The following HIF1A variants were observed in gnomAD, a reference collection of about 807,000 sequenced individuals.
HIF1A encodes the protein hypoxia inducible factor 1 subunit alpha.
HIF1A carries 24 observed loss-of-function variants against 92.7 expected under a neutral mutation model. The ratio of observed to expected loss-of-function variants is 0.26; its 90% CI spans 0.19 to 0.36. HIF1A has a LOEUF of 0.36. HIF1A is among the 10% of genes least tolerant of loss of function. The pLI is 1.00. For synonymous variants in HIF1A, 319 were observed against 338.7 expected (o/e 0.94, Z 0.64); for missense variants, 799 against 998.5 (o/e 0.80, Z 2.69).
Position 61,748,041 on chromosome 14 carries a change from A to T in HIF1A, c.*956A>T, listed in dbSNP as rs2044815854. 6.6e-6 allele frequency: 1 copy of T among 152,562 alleles called. No homozygotes were observed. The highest frequency in any genetic ancestry group is 2.4e-5 in the African/African-American group (1 of 41,458). The allele number at this position is 152,562 out of a possible 1,614,324, so 9.5% of individuals were successfully genotyped here. A position where few individuals can be genotyped will look rare whatever the true frequency, so the allele number is the denominator to read the frequency against. On this transcript the variant is annotated 3_prime_UTR_variant, in exon 15 of 15. Transcript: ENST00000337138. ...TGCTCAAAATACAATGTTTGATTTT[A>T]TGCACTTTGTCGCTATTAACATCCT...
chr14:61,708,645 T>G (rs975672391), intron 1 of HIF1A, among the ~76,000 whole-genome samples: 1 of 152,182 alleles, frequency 6.6e-6, no homozygotes, highest in Non-Finnish European at 1.5e-5. Context: ...AGGGCTCTGT[T>G]CTGTTCCATT....
intron 13 of HIF1A, 49 bp from the exon 14 acceptor site, chr14:61,745,642 A>T (rs2044771619): frequency 2.3e-6 from 3 of 1,333,294 alleles, no homozygotes; most frequent in East Asian, 2.5e-5. Context: ...TTGGTTGTTT[A>T]AAAAAAAAAT....
intron 4 of HIF1A, among the ~76,000 whole-genome samples, chr14:61,723,085 CT>C (rs1342569403): frequency 6.6e-6 from 1 of 152,134 alleles, no homozygotes; most frequent in Non-Finnish European, 1.5e-5. Context: ...TTCTTATGTT[CT>C]GCTGTTCTTT....
At position 61,712,637 on chromosome 14, in the gene HIF1A, A is replaced by G. The variant is rs148110022; in HGVS notation, c.36-7745A>G. Among the ~76,000 whole-genome samples the G allele has an allele frequency of 2.0e-5, 3 of 150,108 alleles. No homozygotes were observed. The East Asian group carries it at 5.9e-4, about 29-fold the overall frequency. On this transcript the variant is annotated intron_variant, in intron 1 of 14. Coordinates refer to ENST00000337138, the MANE Select transcript of HIF1A (RefSeq NM_001530.4). The stretch of plus-strand genomic sequence containing the variant: ...ATCCAGATAATTGTAGTAAATTCAA[A>G]TATTATGTTTATTTAATAGTACTAA...
intron 1 of HIF1A, chr14:61,697,826 C>G (rs1388351640): frequency 6.7e-7 from 1 of 1,494,322 alleles, no homozygotes; most frequent in East Asian, 2.5e-5. Flanking sequence ...AGATTTTCTT[C>G]AAGCAATTTT....
At chr14:61,718,421 T>C (rs997487986) in intron 1 of HIF1A, among the ~76,000 whole-genome samples, 4 of 152,066 alleles carry the variant, frequency 2.6e-5, no homozygotes, top group African/African-American at 9.7e-5. Flanking sequence ...CTTAAGGGGG[T>C]TGGGGAGGAA....
chr14:61,696,453 C>T (rs1376078820), intron 1 of HIF1A, among the ~76,000 whole-genome samples: 1 of 152,200 alleles, frequency 6.6e-6, no homozygotes, highest in African/African-American at 2.4e-5. Flanking sequence ...GGATTTGCCG[C>T]GATGGCCTTA....
intron 1 of HIF1A, among the ~76,000 whole-genome samples, chr14:61,703,181 T>C (rs1019724635): frequency 1.3e-5 from 2 of 152,308 alleles, no homozygotes; most frequent in African/African-American, 4.8e-5. Context: ...AGAAGTAGAA[T>C]TACAGGGTCA....
At chr14:61,706,072 T>C (rs543768404) in intron 1 of HIF1A, among the ~76,000 whole-genome samples, 4 of 152,192 alleles carry the variant, frequency 2.6e-5, no homozygotes, top group East Asian at 3.9e-4. Context: ...TTAGGGTCAC[T>C]GACCTTCTTA....
At chr14:61,724,130 T>G (rs1737296143) in intron 4 of HIF1A, among the ~76,000 whole-genome samples, 1 of 149,994 alleles carries the variant, frequency 6.7e-6, no homozygotes, top group Admixed American at 6.6e-5. Flanking sequence ...TGTTTTTTGT[T>G]TTTTTTTTCC....
chr14:61,726,296 CATAGAGTGCTTATTAGAA>C (rs2044503266), intron 4 of HIF1A: 1 of 152,858 alleles, frequency 6.5e-6, no homozygotes, highest in African/African-American at 2.4e-5. Flanking sequence ...TCTATAAAGA[CATAGAGTGCTTATTAGAA>C]ATTGAGCTAA....
At chr14:61,719,338 A>G (rs1172022077) in intron 1 of HIF1A, among the ~76,000 whole-genome samples, 1 of 152,234 alleles carries the variant, frequency 6.6e-6, no homozygotes, top group Non-Finnish European at 1.5e-5. Context: ...CATTAAGAAG[A>G]GAAATACTGT....
rs1248034618 is a variant in HIF1A, at chr14:61,747,831, G to C, written c.*746G>C. 6.6e-6 allele frequency: 1 copy of C among 152,426 alleles called. No homozygotes were observed. The highest frequency in any genetic ancestry group is 1.5e-5 in the Non-Finnish European group (1 of 67,956). The allele number at this position is 152,426 out of a possible 1,614,324, so 9.4% of individuals were successfully genotyped here. On this transcript the variant is annotated 3_prime_UTR_variant, in exon 15 of 15. Transcript: ENST00000337138. ...AGAGAAATCATCTGATGTTTCTATA[G>C]TCACTTTGCCAGCTCAAAAGAAAAC...
chr14:61,699,805 A>G (rs573267566), intron 1 of HIF1A, among the ~76,000 whole-genome samples: 1 of 152,308 alleles, frequency 6.6e-6, no homozygotes, highest in African/African-American at 2.4e-5. Flanking sequence ...TAGAAAGAGA[A>G]TTTGAAACTA....
In HIF1A at chr14:61,738,285, A is replaced by C. The variant is rs2044663974; in HGVS notation, c.1448A>C (p.Glu483Ala). The C allele has an allele frequency of 6.2e-7, 1 of 1,614,010 alleles. No homozygotes were observed. Among genetic ancestry groups the C allele is most frequent in the African/African-American group, 1.3e-5 (1 of 75,024 alleles). Residue 483 changes from glutamate to alanine, a missense_variant, in exon 10 of 15, where the codon GAG becomes GCG. This residue lies in a region of HIF1A where 516 missense variants were observed against 721.0 expected (regional missense o/e 0.72). Transcript: ENST00000337138. Reference sequence around the variant, plus strand: ...GCATTAAAATTAGAACCAAATCCAGAGTCACTGGAACTTTCTTTTACCATG... The same window carrying C: ...GCATTAAAATTAGAACCAAATCCAGCGTCACTGGAACTTTCTTTTACCATG... ...EVALKLEPNPESLELSFTMPQ... is the reference protein window; with the variant it reads ...EVALKLEPNPASLELSFTMPQ...
At position 61,727,624 on chromosome 14, in the gene HIF1A, C is replaced by G. The variant is rs1483937315; in HGVS notation, c.742C>G (p.Leu248Val). ...CAAGACTTTCCTCAGTCGACACAGCCTGGATATGAAATTTTCTTATTGTGA... is the reference window on the plus strand; with the variant it reads ...CAAGACTTTCCTCAGTCGACACAGCGTGGATATGAAATTTTCTTATTGTGA... Reference protein sequence around the residue: ...DSKTFLSRHSLDMKFSYCDER... With the variant: ...DSKTFLSRHSVDMKFSYCDER... Residue 248 changes from leucine to valine, a missense_variant, in exon 6 of 15, where the codon CTG becomes GTG. By Grantham distance (32) the Leu-to-Val change is conservative (BLOSUM62 1). Transcript: ENST00000337138. 1 of 1,613,252 alleles carries G rather than the reference C, an allele frequency of 6.2e-7. No homozygotes were observed. The highest frequency in any genetic ancestry group is 8.5e-7 in the Non-Finnish European group (1 of 1,179,332).
chr14:61,736,920 C>G lies in HIF1A; in HGVS notation c.1060C>G (p.Leu354Val). The G allele has an allele frequency of 6.2e-7, 1 of 1,613,826 alleles. No homozygotes were observed. Residue 354 changes from leucine (L) to valine (V), a missense_variant, in exon 9 of 15, where the codon CTT (leucine) becomes GTT (valine). Leu to Val is a conservative substitution (Grantham distance 32). Around this residue, in one of 2 missense-constraint regions of HIF1A, gnomAD observed 516 missense variants for 721.0 expected, o/e 0.72. Coordinates refer to ENST00000337138, the MANE Select transcript of HIF1A (RefSeq NM_001530.4). Reference protein sequence around the residue: ...GIIQHDLIFSLQQTECVLKPV... With the variant: ...GIIQHDLIFSVQQTECVLKPV... ...TATTCAGCACGACTTGATTTTCTCC[C>G]TTCAACAAACAGAATGTGTCCTTAA...
intron 1 of HIF1A, among the ~76,000 whole-genome samples, chr14:61,717,975 C>T (rs933811447): frequency 6.7e-6 from 1 of 149,482 alleles, no homozygotes; most frequent in East Asian, 2.0e-4. Flanking sequence ...GAACCAAGAT[C>T]TTGCCATTGC....
At chr14:61,695,872 C>T (rs1483512178) in intron 1 of HIF1A, 33 bp downstream of exon 1, 5 of 1,550,180 alleles carry the variant, frequency 3.2e-6, no homozygotes, top group Non-Finnish European at 4.4e-6. Flanking sequence ...CCGCCTTCTC[C>T]CCCGGCGACC....
Sources: gnomAD v4.1 joint callset for allele counts (sites outside exome capture counted in the v4.1 genomes callset) on GRCh38, gnomAD v4.1.1 for gene constraint, gnomAD v4.1.1 regional missense constraint, MANE v1.5 for transcripts, NCBI Gene and HGNC (gene_info 2026-07-23, HGNC 2026-07-21) for gene names.